The following ABCB4 variants were observed in gnomAD, a reference collection of about 807,000 sequenced individuals.
ABCB4 encodes ATP binding cassette subfamily B member 4, also known as phosphatidylcholine translocator ABCB4.
A neutral mutation model predicts 145.7 loss-of-function variants in ABCB4; 76 were observed. The observed-to-expected ratio is 0.52, with a 90% CI of 0.43 to 0.63. ABCB4 has a LOEUF of 0.63. Among genes scored for constraint, ABCB4 ranks in the 30% least tolerant of loss-of-function variants. The pLI, the probability that ABCB4 is intolerant of heterozygous loss-of-function variation, is 0.00. For missense variants in ABCB4, 1,234 were observed against 1,553.1 expected, an observed-to-expected ratio of 0.79 and a Z score of 3.45; for synonymous variants, 517 against 566.8, an observed-to-expected ratio of 0.91 and a Z score of 1.25.
At chr7:87,444,234 A>G (rs1403804614) in intron 10 of ABCB4, among the ~76,000 whole-genome samples, 1 of 152,222 alleles carries the variant, frequency 6.6e-6, no homozygotes, top group Non-Finnish European at 1.5e-5. Context: ...GAAATAATGT[A>G]AACTTTTAAT....
At chr7:87,427,127 A>G (rs1280904698) in intron 15 of ABCB4, among the ~76,000 whole-genome samples, 1 of 152,194 alleles carries the variant, frequency 6.6e-6, no homozygotes, top group African/African-American at 2.4e-5. Flanking sequence ...CAATTTGAAC[A>G]ATAAGAAAAT....
intron 4 of ABCB4, 136 bp downstream of exon 4, chr7:87,462,622 C>T: frequency 1.3e-6 from 1 of 795,136 alleles, no homozygotes; most frequent in Non-Finnish European, 2.1e-6. Context: ...TTTTACAACT[C>T]CTTCTATGAT....
chr7:87,425,890 AAAAT>A (rs199522399), intron 16 of ABCB4, among the ~76,000 whole-genome samples: 4 of 152,196 alleles, frequency 2.6e-5, no homozygotes, highest in South Asian at 2.1e-4. Flanking sequence ...AATAAAATTA[AAAAT>A]AAATAAATAA....
At chr7:87,381,019 G>A in the ABCB4 span, among the ~76,000 whole-genome samples, 3 of 152,144 alleles carry the variant, frequency 2.0e-5, no homozygotes, top group African/African-American at 7.2e-5. Context: ...AATAAATCCT[G>A]TTTATAGGCT....
At chr7:87,391,060 G>A in the ABCB4 span, among the ~76,000 whole-genome samples, 3 of 152,250 alleles carry the variant, frequency 2.0e-5, no homozygotes, top group Admixed American at 6.5e-5. Flanking sequence ...GCTCACCCAC[G>A]GGAACTAGTA....
the ABCB4 span, chr7:87,382,268 T>C: frequency 7.1e-6 from 10 of 1,401,998 alleles, no homozygotes; most frequent in Non-Finnish European, 9.9e-6. Flanking sequence ...CAAGCATGTC[T>C]GCACAAAACA....
chr7:87,388,396 C>T, the ABCB4 span, among the ~76,000 whole-genome samples: 5 of 152,074 alleles, frequency 3.3e-5, no homozygotes, highest in African/African-American at 1.2e-4. Context: ...CTACAGTAAC[C>T]AAAACAGCAT....
chr7:87,384,367 A>T, the ABCB4 span, among the ~76,000 whole-genome samples: 9 of 152,266 alleles, frequency 5.9e-5, no homozygotes, highest in East Asian at 1.7e-3. Flanking sequence ...CCCTGTCTCT[A>T]CTAAAAATAC....
chr7:87,475,558 A>C, intron 1 of ABCB4, 76 bp downstream of exon 1: 2 of 1,337,834 alleles, frequency 1.5e-6, no homozygotes. Context: ...CACTGGGTGG[A>C]GGTCCGGCCA....
chr7:87,447,178 T>C lies in ABCB4; in HGVS notation c.861A>G (p.Lys287=). ...ERYQKHLENA[K]EIGIKKAISA... Reference sequence around the variant, plus strand: ...AAATAGCTTTTTTAATTCCAATCTCTTTGGCATTTTCTAAATGTTTCTGAT... The same window carrying C: ...AAATAGCTTTTTTAATTCCAATCTCCTTGGCATTTTCTAAATGTTTCTGAT... Residue 287 remains lysine, a synonymous_variant, in exon 9 of 28, where the codon AAA becomes AAG. Coordinates refer to ENST00000649586, the MANE Select transcript of ABCB4 (RefSeq NM_000443.4). 1 of 1,613,884 alleles carries C rather than the reference T, an allele frequency of 6.2e-7. No homozygotes were observed.
rs192390702 is a variant in ABCB4 at position 87,426,041 on chromosome 7, G to T, written c.2064+709C>A. Among the ~76,000 whole-genome samples the T allele has an allele frequency of 1.7e-4, 26 of 151,250 alleles. No individual in the cohort carries two copies. The East Asian group carries it at 4.3e-3, about 25-fold the overall frequency. ...ATGCATACAGCAAAAAAAAAAAATTGAATTTTCCATACTCATTGCTAAGTA... is the reference window on the plus strand; with the variant it reads ...ATGCATACAGCAAAAAAAAAAAATTTAATTTTCCATACTCATTGCTAAGTA... On this transcript the variant is annotated intron_variant, in intron 16 of 27. Transcript: ENST00000649586.
At chr7:87,473,463 C>T (rs1584804106) in intron 2 of ABCB4, among the ~76,000 whole-genome samples, 1 of 152,224 alleles carries the variant, frequency 6.6e-6, no homozygotes, top group South Asian at 2.1e-4. Flanking sequence ...TCCGGGAATG[C>T]TCTCCCCTTA....
In ABCB4 at chr7:87,447,031, T is replaced by C. The variant is rs1811389784; in HGVS notation, c.1005+3A>G. The C allele has an allele frequency of 6.2e-7, 1 of 1,610,146 alleles. No individual in the cohort carries two copies. Among genetic ancestry groups the C allele is most frequent in the Non-Finnish European group, 8.5e-7 (1 of 1,176,532 alleles). ...CTTCATAAATGTTAGGAGAACTACT[T>C]ACTGTCATTGCATTTCCAATAGTAT... On this transcript the variant is annotated splice_donor_region_variant and intron_variant, in intron 9 of 27. Transcript: ENST00000649586.
chr7:87,396,281 A>G, the ABCB4 span, among the ~76,000 whole-genome samples: 2 of 152,134 alleles, frequency 1.3e-5, no homozygotes, highest in Non-Finnish European at 2.9e-5. Flanking sequence ...AATTTGAAAA[A>G]TCACGCACTA....
chr7:87,468,595 A>C, intron 3 of ABCB4, among the ~76,000 whole-genome samples: 1 of 152,238 alleles, frequency 6.6e-6, no homozygotes, highest in East Asian at 1.9e-4. Flanking sequence ...AGAGAATTTT[A>C]GACCAATATC....
At chr7:87,377,425 A>G in the ABCB4 span, 1 of 1,609,064 alleles carries the variant, frequency 6.2e-7, no homozygotes, top group Non-Finnish European at 8.5e-7. Context: ...TCCTTTTCTA[A>G]TGGAGTATTT....
Position 87,451,881 on chromosome 7 carries a change from A to G in ABCB4, c.537-87T>C, listed in dbSNP as rs1277439963. ...ACATCCAACAAACACATAGACAAGT[A>G]AAATTTGTTCACTGACTGCAAGCCT... On this transcript the variant is annotated intron_variant, in intron 6 of 27. Transcript: ENST00000649586. 10 of 1,335,288 alleles carry G rather than the reference A, an allele frequency of 7.5e-6. No individual in the cohort carries two copies. The South Asian group carries it at 1.2e-4, about 16-fold the overall frequency. 82.7% of individuals were successfully genotyped at this position (1,335,288 alleles called of 1,614,324 possible). A position where few individuals can be genotyped will look rare whatever the true frequency, so the allele number is the denominator to read the frequency against.
At chr7:87,374,238 T>C in the ABCB4 span, among the ~76,000 whole-genome samples, 10 of 152,114 alleles carry the variant, frequency 6.6e-5, no homozygotes, top group African/African-American at 2.2e-4. Flanking sequence ...AGAGGGATTA[T>C]CTTGTTACCA....
At chr7:87,459,976 C>A (rs533236001) in intron 4 of ABCB4, among the ~76,000 whole-genome samples, 4 of 152,120 alleles carry the variant, frequency 2.6e-5, no homozygotes, top group Admixed American at 2.6e-4. Flanking sequence ...ATGGTGCTGA[C>A]AATTCAGGAG....
Sources: gnomAD v4.1 joint callset for allele counts (sites outside exome capture counted in the v4.1 genomes callset) on GRCh38, gnomAD v4.1.1 for gene constraint, MANE v1.5 for transcripts, NCBI Gene and HGNC (gene_info 2026-07-23, HGNC 2026-07-21) for gene names.